The following MTBP variants were observed in gnomAD, a reference collection of about 807,000 sequenced individuals.
MTBP encodes MDM2 binding protein.
Under a neutral mutation model 117.0 loss-of-function variants are expected in MTBP, and 101 were observed. That is an observed-to-expected ratio of 0.86 (90% CI 0.73 to 1.02). The LOEUF is 1.02. MTBP is among the 50% of genes least tolerant of loss of function. MTBP has a pLI of 0.00. For missense variants in MTBP, 970 were observed against 1,030.9 expected, an observed-to-expected ratio of 0.94 and a Z score of 0.81; for synonymous variants, 350 against 351.5, an observed-to-expected ratio of 1.00 and a Z score of 0.05.
intron 9 of MTBP, 34 bp downstream of exon 9, chr8:120,461,289 C>T (rs1008976614): frequency 1.4e-6 from 2 of 1,411,922 alleles, no homozygotes; most frequent in African/African-American, 1.4e-5. Flanking sequence ...TTTTAGATTA[C>T]ATTTTCTGTG....
chr8:120,502,625 G>T lies in MTBP; in HGVS notation c.1727+16G>T, dbSNP rs746876444. The T allele has an allele frequency of 2.0e-6, 3 of 1,467,194 alleles. No individual in the cohort carries two copies. The highest frequency in any genetic ancestry group is 4.6e-5 in the East Asian group (2 of 43,836). The allele number at this position is 1,467,194 out of a possible 1,614,324, so 90.9% of individuals were successfully genotyped here. On this transcript the variant is annotated intron_variant, in intron 15 of 21. Transcript: ENST00000305949. ...AAAAAATGAGGTAATATTTGAATCT[G>T]TAGTAAAGCATGTGATAGCTCAGTA... is the stretch of plus-strand genomic sequence containing the variant.
chr8:120,521,031 T>C (rs1182894692), intron 20 of MTBP, among the ~76,000 whole-genome samples: 1 of 152,070 alleles, frequency 6.6e-6, no homozygotes, highest in Admixed American at 6.6e-5. Flanking sequence ...AGACAAGTCC[T>C]AATAGGACCA....
chr8:120,490,813 G>T, intron 13 of MTBP: 1 of 272,984 alleles, frequency 3.7e-6, no homozygotes, highest in South Asian at 1.0e-4. Context: ...GGCAAATTTT[G>T]TATTTCAAAA....
chr8:120,502,567 T>G lies in MTBP; in HGVS notation c.1685T>G (p.Leu562Arg). 6.2e-7 allele frequency: 1 copy of G among 1,604,150 alleles called. No individual in the cohort carries two copies. The highest frequency in any genetic ancestry group is 2.2e-5 in the East Asian group (1 of 44,612). Residue 562 changes from leucine (L) to arginine (R), a missense_variant, in exon 15 of 22, where the codon CTT becomes CGT. Coordinates refer to ENST00000305949, the MANE Select transcript of MTBP (RefSeq NM_022045.5). ...NPLEWPERHV[L>R]QNLETFEKTK... The stretch of plus-strand genomic sequence containing the variant: ...CTGGAATGGCCAGAAAGGCATGTTC[T>G]TCAAAATTTGGAAACTTTTGAAAAA...
intron 10 of MTBP, among the ~76,000 whole-genome samples, chr8:120,468,646 G>A (rs1813749660): frequency 6.6e-6 from 1 of 151,798 alleles, no homozygotes. Flanking sequence ...GTGGTCAGGC[G>A]TTGTCATGGA....
chr8:120,509,334 G>A (rs1198454574), intron 16 of MTBP, among the ~76,000 whole-genome samples: 1 of 152,214 alleles, frequency 6.6e-6, no homozygotes, highest in Non-Finnish European at 1.5e-5. Context: ...GGACGCAGTG[G>A]CTCATGCCAG....
At chr8:120,478,651 A>G (rs1371081127) in intron 11 of MTBP, among the ~76,000 whole-genome samples, 2 of 152,212 alleles carry the variant, frequency 1.3e-5, no homozygotes, top group African/African-American at 4.8e-5. Context: ...TCTAATAAAA[A>G]TATTTTTAGA....
intron 16 of MTBP, among the ~76,000 whole-genome samples, chr8:120,507,710 C>G (rs1056601683): frequency 6.6e-6 from 1 of 151,934 alleles, no homozygotes; most frequent in Non-Finnish European, 1.5e-5. Flanking sequence ...TGTGCATGTT[C>G]ACTAGAGAGA....
intron 10 of MTBP, among the ~76,000 whole-genome samples, chr8:120,469,650 C>G (rs779425243): frequency 6.6e-6 from 1 of 152,188 alleles, no homozygotes; most frequent in Admixed American, 6.5e-5. Flanking sequence ...AAGAAAATTA[C>G]TCACATTTGT....
intron 10 of MTBP, among the ~76,000 whole-genome samples, chr8:120,464,643 A>G (rs926136493): frequency 1.3e-5 from 2 of 152,044 alleles, no homozygotes; most frequent in Non-Finnish European, 2.9e-5. Flanking sequence ...ATATTTGACT[A>G]TATAGTAACT....
intron 11 of MTBP, among the ~76,000 whole-genome samples, chr8:120,487,533 T>A (rs1814245067): frequency 6.6e-6 from 1 of 152,268 alleles, no homozygotes; most frequent in Admixed American, 6.5e-5. Context: ...CAACTCACCA[T>A]CTTCAACAAA....
At chr8:120,474,499 C>T (rs1431424547) in intron 11 of MTBP, among the ~76,000 whole-genome samples, 1 of 151,966 alleles carries the variant, frequency 6.6e-6, no homozygotes, top group South Asian at 2.1e-4. Flanking sequence ...CTATCAGACT[C>T]TCAGATCATT....
chr8:120,509,354 C>G (rs946015276), intron 16 of MTBP, among the ~76,000 whole-genome samples: 1 of 152,182 alleles, frequency 6.6e-6, no homozygotes, highest in African/African-American at 2.4e-5. Context: ...GTAATCCTAA[C>G]ACTTTGGGAG....
At chr8:120,495,929 T>G (rs1305021969) in intron 13 of MTBP, among the ~76,000 whole-genome samples, 1 of 152,308 alleles carries the variant, frequency 6.6e-6, no homozygotes, top group East Asian at 1.9e-4. Flanking sequence ...GGATGCTTTT[T>G]AGTTTGGGAT....
chr8:120,448,139 C>A (rs995427593), intron 2 of MTBP, among the ~76,000 whole-genome samples: 1 of 152,136 alleles, frequency 6.6e-6, no homozygotes, highest in East Asian at 1.9e-4. Context: ...ATTATGTTGC[C>A]CAGGCTGGTC....
intron 17 of MTBP, among the ~76,000 whole-genome samples, chr8:120,511,050 G>A (rs1254203161): frequency 6.6e-6 from 1 of 152,074 alleles, no homozygotes; most frequent in Non-Finnish European, 1.5e-5. Flanking sequence ...TTTTTAAATT[G>A]TTTTGTGAAC....
intron 14 of MTBP, among the ~76,000 whole-genome samples, chr8:120,502,204 T>C (rs1258862521): frequency 1.3e-5 from 2 of 152,234 alleles, no homozygotes; most frequent in Non-Finnish European, 2.9e-5. Context: ...AGCAAAGTTA[T>C]GCTTTTATTC....
intron 11 of MTBP, among the ~76,000 whole-genome samples, chr8:120,477,406 T>G (rs1813965777): frequency 6.6e-6 from 1 of 152,040 alleles, no homozygotes; most frequent in Admixed American, 6.6e-5. Context: ...ACTAATAGGA[T>G]CTAATTAAAC....
In MTBP at chr8:120,455,511, A is replaced by G. The variant is rs774894784; in HGVS notation, c.561A>G (p.Val187=). 3.7e-6 allele frequency: 6 copies of G among 1,608,236 alleles called. No individual in the cohort carries two copies. Among genetic ancestry groups the G allele is most frequent in the South Asian group, 1.1e-5 (1 of 90,938 alleles). Reference sequence around the variant, plus strand: ...AATTGAAAGACTATTTACCTACTGTAGGAGCATTAAAACATTTGAGAGAAT... The same window carrying G: ...AATTGAAAGACTATTTACCTACTGTGGGAGCATTAAAACATTTGAGAGAAT... The part of the protein sequence containing the change: ...PPKLKDYLPT[V]GALKHLREWY... Residue 187 remains valine, a synonymous_variant, in exon 6 of 22, where the codon GTA becomes GTG. Coordinates refer to ENST00000305949, the MANE Select transcript of MTBP (RefSeq NM_022045.5).
Sources: allele counts gnomAD v4.1 joint callset (sites outside exome capture counted in the v4.1 genomes callset), GRCh38; gene constraint gnomAD v4.1.1; transcripts MANE v1.5; gene names NCBI Gene and HGNC (gene_info 2026-07-23, HGNC 2026-07-21).